ACER3: variants seen among roughly 807,000 people sequenced by gnomAD.
ACER3 encodes alkaline ceramidase 3.
In ACER3, 16 loss-of-function variants were observed where a neutral mutation model predicts 48.9. The observed-to-expected ratio is 0.33, with a 90% confidence interval of 0.22 to 0.50. The LOEUF (loss-of-function observed/expected upper bound fraction) is 0.50, where lower values mean the gene tolerates loss of function less well. ACER3 is among the 20% of genes least tolerant of loss of function. The pLI is 0.98. For missense variants in ACER3, 227 were observed against 326.0 expected (o/e 0.70, Z 2.34); for synonymous variants, 109 against 107.8 (o/e 1.01, Z -0.07).
chr11:76,966,693 G>A (rs28876742), intron 3 of ACER3, among the ~76,000 whole-genome samples: 16,557 of 149,200 alleles, frequency 0.11, 3,594 homozygotes, highest in African/African-American at 0.4. Context: ...TGAACAACCT[G>A]CTCCTGAATG....
chr11:76,946,001 G>A (rs923174134), intron 2 of ACER3, among the ~76,000 whole-genome samples: 3 of 152,170 alleles, frequency 2.0e-5, no homozygotes, highest in Non-Finnish European at 2.9e-5. Flanking sequence ...CAGTCTGAGG[G>A]CACAGCCTTG....
chr11:76,958,421 A>G (rs1006747630), intron 2 of ACER3, among the ~76,000 whole-genome samples: 2 of 151,810 alleles, frequency 1.3e-5, no homozygotes, highest in African/African-American at 4.8e-5. Flanking sequence ...TCCTGACCTT[A>G]GATGGTCCAC....
Position 77,022,716 on chromosome 11 carries a change from A to C in ACER3, c.*2389A>C. On this transcript the variant is annotated 3_prime_UTR_variant, in exon 11 of 11. Coordinates refer to ENST00000532485, the MANE Select transcript of ACER3 (RefSeq NM_018367.7). ...TATTGGAAAACTTCATGTTAACTAG[A>C]GTGTACAAAAAGTCTGTTTCCTGCT... The C allele has an allele frequency of 6.2e-6, 1 of 162,516 alleles. No homozygotes were observed. The highest frequency in any genetic ancestry group is 1.3e-5 in the Non-Finnish European group (1 of 75,232). 10.1% of individuals were successfully genotyped at this position (162,516 alleles called of 1,614,324 possible).
At chr11:76,894,422 A>G (rs554316606) in intron 1 of ACER3, among the ~76,000 whole-genome samples, 55 of 152,328 alleles carry the variant, frequency 3.6e-4, no homozygotes, top group African/African-American at 1.3e-3. Flanking sequence ...TATCATAGAC[A>G]TGTAATTGTC....
chr11:77,002,374 TA>T (rs1446599221), intron 7 of ACER3, among the ~76,000 whole-genome samples: 7 of 152,240 alleles, frequency 4.6e-5, no homozygotes, highest in Non-Finnish European at 5.9e-5. Context: ...CATACTGTTT[TA>T]TTCTGTAGTC....
At chr11:77,018,973 G>A (rs1337967847) in intron 9 of ACER3, among the ~76,000 whole-genome samples, 5 of 152,230 alleles carry the variant, frequency 3.3e-5, no homozygotes, top group Non-Finnish European at 7.3e-5. Context: ...GAGTTTCAGT[G>A]TAGATGAAAC....
At chr11:76,968,249 G>C (rs11237043) in intron 3 of ACER3, among the ~76,000 whole-genome samples, 81,761 of 146,704 alleles carry the variant, frequency 0.56, 26,184 homozygotes, top group Non-Finnish European at 0.73. Context: ...TGTGAAGGAC[G>C]TCTTCAAGGA....
chr11:76,932,449 GTTAC>G (rs1947032350), intron 2 of ACER3, among the ~76,000 whole-genome samples: 1 of 152,152 alleles, frequency 6.6e-6, no homozygotes, highest in Non-Finnish European at 1.5e-5. Context: ...TTTTAAGAAA[GTTAC>G]TTGATTATCT....
intron 1 of ACER3, chr11:76,868,391 CTGTGTGTGTGTGTGTGTGTGTG>C: frequency 5.8e-6 from 1 of 173,828 alleles, no homozygotes; most frequent in Non-Finnish European, 1.3e-5. Context: ...CTCTCTCTCT[CTGTGTGTGTGTGTGTGTGTGTG>C]TGTGTGTGTG....
At chr11:76,924,105 G>A (rs1385239323) in intron 1 of ACER3, among the ~76,000 whole-genome samples, 1 of 152,034 alleles carries the variant, frequency 6.6e-6, no homozygotes, top group Non-Finnish European at 1.5e-5. Flanking sequence ...CCCTCCTTAT[G>A]CTGTGGCTTG....
At chr11:76,897,728 G>T (rs950825346) in intron 1 of ACER3, among the ~76,000 whole-genome samples, 1 of 152,032 alleles carries the variant, frequency 6.6e-6, no homozygotes, top group Non-Finnish European at 1.5e-5. Flanking sequence ...AAAGGACAAG[G>T]CTCAATTTGC....
rs1431626990 is a variant in ACER3 at position 76,985,624 on chromosome 11, T to G, written c.321-19T>G. 6 of 1,505,296 alleles carry G rather than the reference T, an allele frequency of 4.0e-6. No individual in the cohort carries two copies. The highest frequency in any genetic ancestry group is 5.4e-6 in the Non-Finnish European group (6 of 1,115,060). The allele number at this position is 1,505,296 out of a possible 1,614,324, so 93.2% of individuals were successfully genotyped here. On this transcript the variant is annotated intron_variant, in intron 4 of 10. Coordinates refer to ENST00000532485, the MANE Select transcript of ACER3 (RefSeq NM_018367.7). ...ACTTATATATTCTTTTAAAAGTTTC[T>G]TTCTCTCTTTTTTTCAAGGTTTGAA...
chr11:77,014,304 G>A (rs782663962), intron 7 of ACER3, among the ~76,000 whole-genome samples: 6 of 152,048 alleles, frequency 3.9e-5, no homozygotes, highest in Non-Finnish European at 7.4e-5. Context: ...CAATACCTCC[G>A]TATCACTCCT....
chr11:76,906,517 C>T (rs1946236180), intron 1 of ACER3, among the ~76,000 whole-genome samples: 1 of 152,094 alleles, frequency 6.6e-6, no homozygotes, highest in African/African-American at 2.4e-5. Flanking sequence ...CCCTGCCCAC[C>T]AAATTATCCT....
At chr11:76,910,302 G>C (rs1946345922) in intron 1 of ACER3, among the ~76,000 whole-genome samples, 1 of 152,000 alleles carries the variant, frequency 6.6e-6, no homozygotes, top group Non-Finnish European at 1.5e-5. Context: ...GATTTTCACA[G>C]ATAAGTTACT....
At chr11:76,911,884 A>G (rs1946387220) in intron 1 of ACER3, among the ~76,000 whole-genome samples, 2 of 152,170 alleles carry the variant, frequency 1.3e-5, no homozygotes, top group African/African-American at 4.8e-5. Flanking sequence ...AAGGTCTTAT[A>G]ATTTGCTGCC....
intron 1 of ACER3, among the ~76,000 whole-genome samples, chr11:76,886,007 CAAAT>C (rs1450554137): frequency 2.6e-5 from 4 of 152,102 alleles, no homozygotes; most frequent in African/African-American, 9.7e-5. Flanking sequence ...GAGAAGATGA[CAAAT>C]AAACAATTAA....
rs1404321139 is a variant in ACER3, at chr11:76,950,993, T to C, written c.215-7986T>C. ...TAAATATGTGCCTTATACTTGCACT[T>C]CTGCCTTTTGAATTATTTTATTTGG... On this transcript the variant is annotated intron_variant, in intron 2 of 10. Transcript: ENST00000532485. Among the ~76,000 whole-genome samples, 6 of 152,234 alleles carry C rather than the reference T, an allele frequency of 3.9e-5. No homozygotes were observed. The South Asian group carries it at 8.3e-4, about 21-fold the overall frequency.
chr11:76,952,135 TATATACACACAC>T lies in ACER3; in HGVS notation c.215-6842_215-6831del, dbSNP rs202242824. Among the ~76,000 whole-genome samples, 91 of 143,702 alleles carry T rather than the reference TATATACACACAC, an allele frequency of 6.3e-4. No homozygotes were observed. The East Asian group carries it at 0.011, about 18-fold the overall frequency. 94.3% of individuals were successfully genotyped at this position (143,702 alleles called of 152,430 possible). ...ATGTTCAGAAAAAATATTATATATATATATACACACACACACACACACACACACACACATATA... is the reference window on the plus strand; with the variant it reads ...ATGTTCAGAAAAAATATTATATATATACACACACACACACACACACATATA... On this transcript the variant is annotated intron_variant, in intron 2 of 10. Transcript: ENST00000532485.
Sources: gnomAD v4.1 joint callset for allele counts (sites outside exome capture counted in the v4.1 genomes callset) on GRCh38, gnomAD v4.1.1 for gene constraint, MANE v1.5 for transcripts, NCBI Gene and HGNC (gene_info 2026-07-23, HGNC 2026-07-21) for gene names.